The following SESN1 variants were observed in gnomAD, a reference collection of about 807,000 sequenced individuals.
SESN1 encodes the protein sestrin 1.
A neutral mutation model predicts 59.3 loss-of-function variants in SESN1; 30 were observed. The observed-to-expected ratio is 0.51, with a 90% CI of 0.38 to 0.69. The LOEUF (loss-of-function observed/expected upper bound fraction) is 0.69. Ranked by LOEUF, SESN1 falls within the 30% of genes least tolerant of loss-of-function variation. SESN1 has a pLI of 0.00. For synonymous variants in SESN1, 197 were observed against 219.9 expected (o/e 0.90, Z 0.92); for missense variants, 566 against 673.0 (o/e 0.84, Z 1.76).
In SESN1 at chr6:108,995,174, C is replaced by T. The variant is rs952915221; in HGVS notation, c.973-565G>A. Among the ~76,000 whole-genome samples, 13 of 152,194 alleles carry T rather than the reference C, an allele frequency of 8.5e-5. 1 individual carries two copies. In the South Asian group the frequency reaches 2.7e-3, roughly 32 times the overall value. ...TAATGCTTTTACCTTATAAAATTAGCAATAATGTCATTACCATTTATGCTG... is the reference window on the plus strand; with the variant it reads ...TAATGCTTTTACCTTATAAAATTAGTAATAATGTCATTACCATTTATGCTG... On this transcript the variant is annotated intron_variant, in intron 5 of 9. Transcript: ENST00000436639.
rs1434143437 is a variant in SESN1 at position 108,984,430 on chromosome 6, T to C, written c.*3114A>G. ...AGATGGCACACTCTAGCTGTGTCCT[T>C]TCATGGTAGAAGGGGAGCTCCCCAG... On this transcript the variant is annotated 3_prime_UTR_variant, in exon 10 of 10. Coordinates refer to ENST00000436639, the MANE Select transcript of SESN1 (RefSeq NM_014454.3). Among the ~76,000 whole-genome samples, 1 of 152,166 alleles carries C rather than the reference T, an allele frequency of 6.6e-6. No homozygotes were observed. The highest frequency in any genetic ancestry group is 2.4e-5 in the African/African-American group (1 of 41,426).
chr6:109,072,828 T>C, intron 1 of SESN1, among the ~76,000 whole-genome samples: 1 of 152,068 alleles, frequency 6.6e-6, no homozygotes, highest in Non-Finnish European at 1.5e-5. Context: ...GTTTGTGACT[T>C]GAAAGAGAGC....
chr6:109,002,863 A>T (rs1779656245), intron 1 of SESN1, among the ~76,000 whole-genome samples: 1 of 152,250 alleles, frequency 6.6e-6, no homozygotes, highest in Admixed American at 6.5e-5. Flanking sequence ...ACAGCACTAC[A>T]GGGCATGTTT....
At chr6:109,006,713 C>A (rs1299208386) in intron 1 of SESN1, among the ~76,000 whole-genome samples, 1 of 152,074 alleles carries the variant, frequency 6.6e-6, no homozygotes, top group Non-Finnish European at 1.5e-5. Flanking sequence ...AAAAAGTTTC[C>A]ATTTTCTGGA....
intron 1 of SESN1, among the ~76,000 whole-genome samples, chr6:109,046,344 C>T (rs1462598001): frequency 1.3e-5 from 2 of 151,822 alleles, no homozygotes; most frequent in African/African-American, 4.8e-5. Context: ...CTTGGCCTCC[C>T]GAGGTGCCGG....
chr6:108,994,312 T>TA, intron 6 of SESN1, 150 bp downstream of exon 6: 2 of 552,180 alleles, frequency 3.6e-6, no homozygotes, highest in South Asian at 7.5e-5. Flanking sequence ...TTGCTTGCTT[T>TA]AAAAATTATT....
intron 1 of SESN1, among the ~76,000 whole-genome samples, chr6:109,004,930 A>G (rs575206855): frequency 2.6e-5 from 4 of 152,340 alleles, no homozygotes; most frequent in African/African-American, 7.2e-5. Context: ...TTAATTGTTT[A>G]TATATTGCTG....
Position 109,094,287 on chromosome 6 carries a change from GTCT to G in SESN1, c.-217_-215del. 1 of 556,646 alleles carries G rather than the reference GTCT, an allele frequency of 1.8e-6. No homozygotes were observed. The highest frequency in any genetic ancestry group is 3.1e-6 in the Non-Finnish European group (1 of 318,190). 34.5% of individuals were successfully genotyped at this position (556,646 alleles called of 1,614,324 possible). ...CCCTCTCCTTGTACACGAAAGGGCA[GTCT>G]TCTTTCTGGAAAAACAAAGTTTGAA... On this transcript the variant is annotated 5_prime_UTR_variant, in exon 1 of 10. Transcript: ENST00000436639.
chr6:108,985,863 T>TTTC lies in SESN1; in HGVS notation c.*1678_*1680dup, dbSNP rs1266258785. On this transcript the variant is annotated 3_prime_UTR_variant, in exon 10 of 10. Transcript: ENST00000436639. The stretch of plus-strand genomic sequence containing the variant: ...AATGAGTAATGCACTTATAAGTAAG[T>TTTC]TTCTTTAAATATAAAACATATTGAA... Among the ~76,000 whole-genome samples, 2 of 152,184 alleles carry TTTC rather than the reference T, an allele frequency of 1.3e-5. No individual in the cohort carries two copies. The highest frequency in any genetic ancestry group is 2.4e-5 in the African/African-American group (1 of 41,444).
At chr6:108,992,702 T>G in intron 7 of SESN1, 85 bp downstream of exon 7, 1 of 835,216 alleles carries the variant, frequency 1.2e-6, no homozygotes, top group Non-Finnish European at 2.1e-6. Flanking sequence ...CTTAGCATAG[T>G]TCTCAAATCT....
chr6:109,071,522 G>A (rs1780934769), intron 1 of SESN1, among the ~76,000 whole-genome samples: 1 of 152,116 alleles, frequency 6.6e-6, no homozygotes, highest in South Asian at 2.1e-4. Context: ...GACCCCGGCA[G>A]TCTAGGATCA....
In SESN1 at chr6:108,985,833, T is replaced by TATTC. The variant is rs2128525500; in HGVS notation, c.*1707_*1710dup. 6.6e-6 allele frequency among the ~76,000 whole-genome samples: 1 copy of TATTC among 152,364 alleles called. No homozygotes were observed. The highest frequency in any genetic ancestry group is 2.4e-5 in the African/African-American group (1 of 41,598). On this transcript the variant is annotated 3_prime_UTR_variant, in exon 10 of 10. Transcript: ENST00000436639. Reference sequence around the variant, plus strand: ...CAGAAGAGGACAAAGGCATGATGCATATTCAATGAGTAATGCACTTATAAG... The same window carrying TATTC: ...CAGAAGAGGACAAAGGCATGATGCATATTCATTCAATGAGTAATGCACTTATAAG...
chr6:109,070,191 T>C (rs1780907437), intron 1 of SESN1, among the ~76,000 whole-genome samples: 1 of 151,938 alleles, frequency 6.6e-6, no homozygotes, highest in South Asian at 2.1e-4. Context: ...ACCCAGAGAG[T>C]GGGGCCCCTA....
chr6:109,009,449 G>GGCC, intron 1 of SESN1: 1 of 1,340,120 alleles, frequency 7.5e-7, no homozygotes, highest in Non-Finnish European at 9.6e-7. Flanking sequence ...TCGCGGCGGC[G>GGCC]GCCAAGCGCA....
intron 1 of SESN1, chr6:109,009,514 G>A: frequency 8.3e-7 from 1 of 1,198,242 alleles, no homozygotes. Flanking sequence ...TGGGCAGCCG[G>A]CCGCGGCTCC....
chr6:109,001,020 A>G (rs1049457715), intron 3 of SESN1, among the ~76,000 whole-genome samples: 1 of 152,192 alleles, frequency 6.6e-6, no homozygotes, highest in Admixed American at 6.5e-5. Flanking sequence ...CACTTATGTC[A>G]ATGTGAACTA....
intron 1 of SESN1, among the ~76,000 whole-genome samples, chr6:109,032,260 G>A (rs949413653): frequency 4.8e-4 from 73 of 151,588 alleles, no homozygotes; most frequent in Admixed American, 7.2e-4. Context: ...CAACAAGAGC[G>A]AAACTCTGCC....
In SESN1 at chr6:109,074,605, T is replaced by C. The variant is rs996384268; in HGVS notation, c.279+19190A>G. On this transcript the variant is annotated intron_variant, in intron 1 of 9. Coordinates refer to ENST00000436639, the MANE Select transcript of SESN1 (RefSeq NM_014454.3). ...ACAAAATTATTTCATCTGTTCCTTA[T>C]AAATAACACAAAATTGATAGTAAAG... Among the ~76,000 whole-genome samples the C allele has an allele frequency of 2.6e-5, 4 of 152,348 alleles. No individual in the cohort carries two copies. In the South Asian group the frequency reaches 8.3e-4, roughly 32 times the overall value.
At chr6:109,004,214 T>C (rs1014346393) in intron 1 of SESN1, among the ~76,000 whole-genome samples, 16 of 151,894 alleles carry the variant, frequency 1.1e-4, no homozygotes, top group African/African-American at 3.9e-4. Flanking sequence ...AAGAAAACAC[T>C]CATGGAGTGC....
Sources: allele counts gnomAD v4.1 joint callset (sites outside exome capture counted in the v4.1 genomes callset), GRCh38; gene constraint gnomAD v4.1.1; transcripts MANE v1.5; gene names NCBI Gene and HGNC (gene_info 2026-07-23, HGNC 2026-07-21).